PRR12: variants seen among roughly 807,000 people sequenced by gnomAD.
The protein encoded by PRR12 is proline-rich protein 12.
A neutral mutation model predicts 138.0 loss-of-function variants in PRR12; 12 were observed. The ratio of observed to expected loss-of-function variants is 0.09; its 90% confidence interval spans 0.06 to 0.14. PRR12 has a LOEUF of 0.14. Among genes scored for constraint, PRR12 ranks in the 10% least tolerant of loss-of-function variants. The probability of loss-of-function intolerance (pLI) is 1.00; values close to 1 mark genes in which losing one functional copy is unlikely to be tolerated. For missense variants in PRR12, 2,692 were observed against 2,861.3 expected, an observed-to-expected ratio of 0.94 and a Z score of 1.35; for synonymous variants, 1,567 against 1,291.7, an observed-to-expected ratio of 1.21 and a Z score of -4.57.
intron 5 of PRR12, 64 bp from the exon 6 acceptor site, chr19:49,601,427 G>T: frequency 1.1e-6 from 1 of 914,518 alleles, no homozygotes; most frequent in South Asian, 1.7e-5. Flanking sequence ...GTGTTTAAAG[G>T]ACAAGAGGAA....
Position 49,616,241 on chromosome 19 carries a change from G to C in PRR12, c.5497+22G>C. 2 of 1,489,696 alleles carry C rather than the reference G, an allele frequency of 1.3e-6. No homozygotes were observed. The highest frequency in any genetic ancestry group is 1.8e-6 in the Non-Finnish European group (2 of 1,117,478). 92.3% of individuals were successfully genotyped at this position (1,489,696 alleles called of 1,614,324 possible). A position where few individuals can be genotyped will look rare whatever the true frequency, so the allele number is the denominator to read the frequency against. On this transcript the variant is annotated intron_variant, in intron 9 of 13. Coordinates refer to ENST00000418929, the MANE Select transcript of PRR12 (RefSeq NM_020719.3). This position sits in a 1 kb window ranked among gnomAD's most constrained non-coding sequence, Gnocchi z 4.2. ...GACGGTGAGGCCCTAGGCAGCCTCAGGGCTGCAGGGGTGGGTGGGGAAGGG... is the reference window on the plus strand; with the variant it reads ...GACGGTGAGGCCCTAGGCAGCCTCACGGCTGCAGGGGTGGGTGGGGAAGGG...
At position 49,593,336 on chromosome 19, in the gene PRR12, T is replaced by C; in HGVS notation, c.96T>C (p.Tyr32=). The C allele has an allele frequency of 6.2e-7, 1 of 1,604,804 alleles. No homozygotes were observed. Among genetic ancestry groups the C allele is most frequent in the East Asian group, 2.3e-5 (1 of 44,350 alleles). The change falls in exon 2 of 14, where the codon TAT becomes TAC. Residue 32 remains tyrosine, a synonymous_variant. Coordinates refer to ENST00000418929, the MANE Select transcript of PRR12 (RefSeq NM_020719.3). Reference sequence around the variant, plus strand: ...TCCCCTTTCCCCCCAGCTTGGTTTATGGCAGCTCCAGGACCTCGCACCCCG... The same window carrying C: ...TCCCCTTTCCCCCCAGCTTGGTTTACGGCAGCTCCAGGACCTCGCACCCCG... ...YERSAKASLV[Y]GSSRTSHPET...
Position 49,605,997 on chromosome 19 carries a change from A to AT in PRR12, c.4773+4087dup, listed in dbSNP as rs1017166556. ...ACTCAAATCTCTGCCACTTATTATT[A>AT]TTTTTTTTGTGTGTGTTTTTGAGAC... On this transcript the variant is annotated intron_variant, in intron 6 of 13. Transcript: ENST00000418929. 2.6e-5 allele frequency among the ~76,000 whole-genome samples: 4 copies of AT among 151,882 alleles called. No individual in the cohort carries two copies. The East Asian group carries it at 5.8e-4, about 22-fold the overall frequency.
In PRR12 at chr19:49,626,317, C is replaced by T. The variant is rs187560607; in HGVS notation, c.*710C>T. ...TTCCCCTCCTCCCCGTTCTCGCCCC[C>T]GCCCCACCCCCTGCTCCCACTACCC... On this transcript the variant is annotated 3_prime_UTR_variant, in exon 14 of 14. Transcript: ENST00000418929. 6.3e-3 allele frequency: 955 copies of T among 152,298 alleles called. 4 individuals carry two copies. Among genetic ancestry groups the T allele is most frequent in the South Asian group, 0.013 (65 of 4,824 alleles). 9.4% of individuals were successfully genotyped at this position (152,298 alleles called of 1,614,324 possible). A position where few individuals can be genotyped will look rare whatever the true frequency, so the allele number is the denominator to read the frequency against.
rs2080868069 is a variant in PRR12 at position 49,611,884 on chromosome 19, C to T, written c.4774-2649C>T. Among the ~76,000 whole-genome samples the T allele has an allele frequency of 7.8e-5, 10 of 127,622 alleles. No homozygotes were observed. In the South Asian group the frequency reaches 2.6e-3, roughly 33 times the overall value. 83.7% of individuals were successfully genotyped at this position (127,622 alleles called of 152,430 possible). A position where few individuals can be genotyped will look rare whatever the true frequency, so the allele number is the denominator to read the frequency against. On this transcript the variant is annotated intron_variant, in intron 6 of 13. Transcript: ENST00000418929. ...CTTGCAGTGAGCCGAGGTCGCGCCA[C>T]TGCACTCCAGCCTGGGCGACAGAGC...
chr19:49,594,718 C>T lies in PRR12; in HGVS notation c.383C>T (p.Thr128Met), dbSNP rs1432300592. ...WQTAMHTPGP[T>M]ELFISGALPG... ...CCAGCCATGCACACGCCAGGCCCCA[C>T]GGAGCTCTTCATCTCGGGTGCCCTG... The change falls in exon 4 of 14, where the codon ACG (threonine) becomes ATG (methionine). Residue 128 changes from threonine (T) to methionine (M), a missense_variant. Physicochemically the swap from Thr to Met is moderately conservative, Grantham distance 81. Coordinates refer to ENST00000418929, the MANE Select transcript of PRR12 (RefSeq NM_020719.3). This position sits in a 1 kb window ranked among gnomAD's most constrained non-coding sequence, Gnocchi z 5.6. 4 of 1,613,078 alleles carry T rather than the reference C, an allele frequency of 2.5e-6. No homozygotes were observed. Among genetic ancestry groups the T allele is most frequent in the Non-Finnish European group, 3.4e-6 (4 of 1,179,796 alleles).
At chr19:49,609,335 T>C (rs1350991754) in intron 6 of PRR12, among the ~76,000 whole-genome samples, 1 of 152,066 alleles carries the variant, frequency 6.6e-6, no homozygotes, top group Admixed American at 6.6e-5. Flanking sequence ...GCATGGTGGT[T>C]CGCATCTGTA....
chr19:49,594,882 C>T lies in PRR12; in HGVS notation c.547C>T (p.Leu183=), dbSNP rs1378480549. ...PPFSPPANGL[L]SPHDVLHLKP... ...ATTCAGCCCTCCAGCTAACGGGCTC[C>T]TGTCCCCTCATGACGTGCTGCACCT... is the stretch of plus-strand genomic sequence containing the variant. Residue 183 remains leucine (L), a synonymous_variant, in exon 4 of 14, where the codon CTG becomes TTG. Coordinates refer to ENST00000418929, the MANE Select transcript of PRR12 (RefSeq NM_020719.3). This position sits in a 1 kb window ranked among gnomAD's most constrained non-coding sequence, Gnocchi z 5.6. 8 of 1,611,396 alleles carry T rather than the reference C, an allele frequency of 5.0e-6. No individual in the cohort carries two copies. Among genetic ancestry groups the T allele is most frequent in the East Asian group, 2.2e-5 (1 of 44,818 alleles).
rs1384726694 is a variant in PRR12 at position 49,597,660 on chromosome 19, G to T, written c.3325G>T (p.Asp1109Tyr). 9 of 1,605,210 alleles carry T rather than the reference G, an allele frequency of 5.6e-6. No individual in the cohort carries two copies. Among genetic ancestry groups the T allele is most frequent in the Non-Finnish European group, 7.6e-6 (9 of 1,176,944 alleles). ...GTTCGAGGCGGACGAGGACAAGGCC[G>T]ATGTTCCCGCCGACATCCGCCTCAA... ...YEFEADEDKA[D>Y]VPADIRLNPR... Residue 1109 changes from aspartate to tyrosine, a missense_variant, in exon 4 of 14, where the codon GAT (aspartate) becomes TAT (tyrosine). By Grantham distance (160) the Asp-to-Tyr change is radical. Transcript: ENST00000418929. This position sits in a 1 kb window ranked among gnomAD's most constrained non-coding sequence, Gnocchi z 6.3.
In PRR12 at chr19:49,596,743, C is replaced by T. The variant is rs1325410876; in HGVS notation, c.2408C>T (p.Pro803Leu). 8 of 1,604,610 alleles carry T rather than the reference C, an allele frequency of 5.0e-6. No homozygotes were observed. Among genetic ancestry groups the T allele is most frequent in the Non-Finnish European group, 6.8e-6 (8 of 1,178,904 alleles). Residue 803 changes from proline (P) to leucine (L), a missense_variant, in exon 4 of 14, where the codon CCC becomes CTC. Pro to Leu is a moderately conservative substitution (Grantham distance 98). Transcript: ENST00000418929. This position sits in a 1 kb window ranked among gnomAD's most constrained non-coding sequence, Gnocchi z 5.6. ...CCTCCGCCTCCCCCCCAGCTGCTCC[C>T]CTCGGTCCTCAGCCATGCCCCCAGT... ...VLPPPPPQLL[P>L]SVLSHAPSPS... is the part of the protein sequence containing the mutation.
In PRR12 at chr19:49,625,860, CTATT is replaced by C. The variant is rs1296604233; in HGVS notation, c.*256_*259del. 1 of 365,680 alleles carries C rather than the reference CTATT, an allele frequency of 2.7e-6. No individual in the cohort carries two copies. Among genetic ancestry groups the C allele is most frequent in the Non-Finnish European group, 4.8e-6 (1 of 207,446 alleles). 22.7% of individuals were successfully genotyped at this position (365,680 alleles called of 1,614,324 possible). A position where few individuals can be genotyped will look rare whatever the true frequency, so the allele number is the denominator to read the frequency against. On this transcript the variant is annotated 3_prime_UTR_variant, in exon 14 of 14. Coordinates refer to ENST00000418929, the MANE Select transcript of PRR12 (RefSeq NM_020719.3). The surrounding 1 kb of genome is among the most constrained non-coding windows in gnomAD (Gnocchi z 5.5). Reference sequence around the variant, plus strand: ...ATTATTTATATATATGTATAAATGTCTATTTAGTAACGGTTTCCCTCTCCCCTTG... The same window carrying C: ...ATTATTTATATATATGTATAAATGTCTAGTAACGGTTTCCCTCTCCCCTTG...
intron 4 of PRR12, 36 bp downstream of exon 4, chr19:49,598,049 G>C: frequency 1.5e-6 from 2 of 1,296,862 alleles, no homozygotes; most frequent in Non-Finnish European, 2.0e-6. Flanking sequence ...GGATAGGGGA[G>C]GAGGAGCTGT....
intron 6 of PRR12, among the ~76,000 whole-genome samples, chr19:49,608,559 C>T (rs530602791): frequency 2.0e-5 from 3 of 152,004 alleles, no homozygotes; most frequent in African/African-American, 7.2e-5. Context: ...TTAGTAGAGA[C>T]GGGGTTTCAC....
intron 9 of PRR12, among the ~76,000 whole-genome samples, chr19:49,617,728 T>A (rs1338926367): frequency 6.6e-6 from 1 of 152,176 alleles, no homozygotes; most frequent in Non-Finnish European, 1.5e-5. Context: ...GTAGCTGTTT[T>A]AACAGAGATT....
Position 49,596,535 on chromosome 19 carries a change from C to A in PRR12, c.2200C>A (p.Arg734=). The A allele has an allele frequency of 6.2e-7, 1 of 1,608,126 alleles. No homozygotes were observed. The highest frequency in any genetic ancestry group is 8.5e-7 in the Non-Finnish European group (1 of 1,177,898). The change falls in exon 4 of 14, where the codon CGG becomes AGG. Residue 734 remains arginine, a synonymous_variant. Transcript: ENST00000418929. This position sits in a 1 kb window ranked among gnomAD's most constrained non-coding sequence, Gnocchi z 5.6. ...GAAGGAGAAGAAGAAAGGGCCAGAG[C>A]GGGGTGGCGAGACCCCCGAGGGGCT... ...RLKEKKKGPE[R]GGETPEGLAT...
chr19:49,601,610 G>A lies in PRR12; in HGVS notation c.4465G>A (p.Val1489Met). ...QPALPSPPPL[V>M]APTPSSPPPP... is the part of the protein sequence containing the mutation. ...AGCCCTGCCCTCGCCACCCCCGCTGGTGGCCCCCACGCCCAGCTCACCACC... is the reference window on the plus strand; with the variant it reads ...AGCCCTGCCCTCGCCACCCCCGCTGATGGCCCCCACGCCCAGCTCACCACC... Residue 1489 changes from valine (V) to methionine (M), a missense_variant, in exon 6 of 14, where the codon GTG (valine) becomes ATG (methionine). Physicochemically the swap from Val to Met is conservative, Grantham distance 21. Coordinates refer to ENST00000418929, the MANE Select transcript of PRR12 (RefSeq NM_020719.3). 6.5e-7 allele frequency: 1 copy of A among 1,541,222 alleles called. No individual in the cohort carries two copies. The highest frequency in any genetic ancestry group is 8.7e-7 in the Non-Finnish European group (1 of 1,144,638).
chr19:49,598,074 TC>T lies in PRR12; in HGVS notation c.3678+62del, dbSNP rs1338713157. ...GGAGGAGCTGTGTCCGATGTTTGAG[TC>T]TTTTTTTTTTTTTTTTGAGACAGAG... On this transcript the variant is annotated intron_variant, in intron 4 of 13. Transcript: ENST00000418929. The T allele has an allele frequency of 4.0e-6, 5 of 1,238,864 alleles. No individual in the cohort carries two copies. The African/African-American group carries it at 4.8e-5, about 12-fold the overall frequency. The allele number at this position is 1,238,864 out of a possible 1,614,324, so 76.7% of individuals were successfully genotyped here. A position where few individuals can be genotyped will look rare whatever the true frequency, so the allele number is the denominator to read the frequency against.
chr19:49,614,725 G>A lies in PRR12; in HGVS notation c.4890+76G>A, dbSNP rs2080882788. On this transcript the variant is annotated intron_variant, in intron 7 of 13. Coordinates refer to ENST00000418929, the MANE Select transcript of PRR12 (RefSeq NM_020719.3). The surrounding 1 kb of genome is among the most constrained non-coding windows in gnomAD (Gnocchi z 5.0). ...TAGGAGCTGGGGTTCCCCTTAGTGT[G>A]GCTGTGACTCACTCCACAGTGTATC... 4.1e-6 allele frequency: 6 copies of A among 1,480,786 alleles called. No homozygotes were observed. The South Asian group carries it at 5.0e-5, about 12-fold the overall frequency. 91.7% of individuals were successfully genotyped at this position (1,480,786 alleles called of 1,614,324 possible).
chr19:49,609,600 A>C (rs2080855476), intron 6 of PRR12, among the ~76,000 whole-genome samples: 1 of 53,766 alleles, frequency 1.9e-5, no homozygotes, highest in Non-Finnish European at 3.4e-5. Context: ...GACTGTCTCA[A>C]AAAAAAAAAA....
Sources: allele counts gnomAD v4.1 joint callset (sites outside exome capture counted in the v4.1 genomes callset), GRCh38; gene constraint gnomAD v4.1.1; non-coding constraint Gnocchi (gnomAD v3.1); transcripts MANE v1.5; gene names NCBI Gene and HGNC (gene_info 2026-07-23, HGNC 2026-07-21).